The following MYO3B variants were observed in gnomAD, a reference collection of about 807,000 sequenced individuals.
The protein encoded by MYO3B is myosin-IIIb.
Under a neutral mutation model 174.6 loss-of-function variants are expected in MYO3B, and 156 were observed. That is an observed-to-expected ratio of 0.89 (90% CI 0.78 to 1.02). The LOEUF (loss-of-function observed/expected upper bound fraction) is 1.02. Among genes scored for constraint, MYO3B ranks in the 50% least tolerant of loss-of-function variants. MYO3B has a pLI of 0.00. For missense variants in MYO3B, 1,632 were observed against 1,639.4 expected, an observed-to-expected ratio of 1.00 and a Z score of 0.08; for synonymous variants, 563 against 569.1, an observed-to-expected ratio of 0.99 and a Z score of 0.15.
chr2:170,303,520 T>G (rs369798689), intron 7 of MYO3B, among the ~76,000 whole-genome samples: 22 of 152,294 alleles, frequency 1.4e-4, no homozygotes, highest in African/African-American at 4.8e-4. Context: ...GGCAGGTTTG[T>G]TATATAGGTA....
In MYO3B at chr2:170,335,544, G is replaced by A. The variant is rs533861727; in HGVS notation, c.815+94G>A. On this transcript the variant is annotated intron_variant, in intron 8 of 34. Transcript: ENST00000408978. ...CTGTGGAATTTACTTGACACTAGAG[G>A]TTGTTATGCCTGTTAGCACGTTATG... 58 of 941,274 alleles carry A rather than the reference G, an allele frequency of 6.2e-5. 1 individual carries two copies. The highest frequency in any genetic ancestry group is 9.4e-5 in the Non-Finnish European group (56 of 598,914). 58.3% of individuals were successfully genotyped at this position (941,274 alleles called of 1,614,324 possible).
intron 25 of MYO3B, among the ~76,000 whole-genome samples, chr2:170,473,543 T>G (rs1459864470): frequency 1.3e-5 from 2 of 152,210 alleles, no homozygotes; most frequent in Non-Finnish European, 1.5e-5. Flanking sequence ...TTGTTGAGGT[T>G]AAGTTTTCCT....
At chr2:170,533,213 A>G (rs1213665321) in intron 30 of MYO3B, among the ~76,000 whole-genome samples, 1 of 152,036 alleles carries the variant, frequency 6.6e-6, no homozygotes, top group African/African-American at 2.4e-5. Context: ...CACTGCACAC[A>G]ATCTTGTTTA....
intron 3 of MYO3B, among the ~76,000 whole-genome samples, chr2:170,212,255 A>C (rs1292682105): frequency 6.6e-6 from 1 of 151,976 alleles, no homozygotes; most frequent in Non-Finnish European, 1.5e-5. Context: ...AAAAAAAAAA[A>C]AAAAAAGTCT....
chr2:170,187,657 G>C (rs1415398758), intron 1 of MYO3B, among the ~76,000 whole-genome samples: 15 of 151,996 alleles, frequency 9.9e-5, no homozygotes, highest in Non-Finnish European at 2.1e-4. Context: ...GTAGGTTTTG[G>C]TATGTAGTGT....
At chr2:170,228,974 A>AC (rs2092984568) in intron 6 of MYO3B, among the ~76,000 whole-genome samples, 1 of 151,854 alleles carries the variant, frequency 6.6e-6, no homozygotes, top group African/African-American at 2.4e-5. Context: ...AAAAAAAAAA[A>AC]AAAAAAACAA....
At chr2:170,406,993 T>G (rs1412368358) in intron 21 of MYO3B, among the ~76,000 whole-genome samples, 3 of 152,210 alleles carry the variant, frequency 2.0e-5, no homozygotes, top group Non-Finnish European at 2.9e-5. Flanking sequence ...CTACCACTTG[T>G]GAAATGTGTG....
intron 28 of MYO3B, among the ~76,000 whole-genome samples, chr2:170,502,117 T>C (rs758411672): frequency 2.6e-5 from 4 of 152,120 alleles, no homozygotes; most frequent in Non-Finnish European, 1.5e-5. Flanking sequence ...CCTGATATTA[T>C]AGAGGAGGAA....
intron 7 of MYO3B, among the ~76,000 whole-genome samples, chr2:170,290,421 A>G (rs2093588209): frequency 6.6e-6 from 1 of 152,080 alleles, no homozygotes; most frequent in Admixed American, 6.6e-5. Flanking sequence ...CCCTTTTATC[A>G]TTATATAGTT....
chr2:170,495,247 T>A (rs1475286675), intron 25 of MYO3B, among the ~76,000 whole-genome samples: 1 of 152,246 alleles, frequency 6.6e-6, no homozygotes, highest in East Asian at 1.9e-4. Flanking sequence ...GCTTGGTTCC[T>A]TTCAGCTTAG....
intron 25 of MYO3B, among the ~76,000 whole-genome samples, chr2:170,483,090 G>A (rs971342628): frequency 6.6e-5 from 10 of 152,230 alleles, no homozygotes; most frequent in African/African-American, 2.4e-4. Context: ...AATCTGTAGT[G>A]GTGGTTTGAA....
intron 32 of MYO3B, among the ~76,000 whole-genome samples, chr2:170,623,615 T>A (rs778822191): frequency 8.5e-5 from 13 of 152,248 alleles, no homozygotes; most frequent in Non-Finnish European, 1.2e-4. Context: ...TTGTTGCCAT[T>A]GCTTTTGGTG....
intron 14 of MYO3B, among the ~76,000 whole-genome samples, chr2:170,390,624 G>A (rs1273560464): frequency 6.6e-6 from 1 of 152,130 alleles, no homozygotes; most frequent in African/African-American, 2.4e-5. Context: ...GAAGAAAGAC[G>A]ATTTCTTTTC....
At chr2:170,515,130 A>C (rs889593947) in intron 29 of MYO3B, 108 bp downstream of exon 29, 1 of 883,616 alleles carries the variant, frequency 1.1e-6, no homozygotes, top group African/African-American at 1.7e-5. Context: ...TCTGTCCACC[A>C]CTCCTTCTTT....
At chr2:170,227,787 A>G (rs772674543) in intron 6 of MYO3B, among the ~76,000 whole-genome samples, 70 of 152,190 alleles carry the variant, frequency 4.6e-4, no homozygotes, top group Non-Finnish European at 8.2e-4. Context: ...TGTTTTTCAG[A>G]TGTGTCATGA....
chr2:170,532,808 C>T (rs1689441830), intron 30 of MYO3B, among the ~76,000 whole-genome samples: 1 of 125,006 alleles, frequency 8.0e-6, no homozygotes, highest in African/African-American at 3.2e-5. Context: ...AAGAGTGAAA[C>T]TCTGTCTCAA....
At chr2:170,286,460 C>T (rs1457932811) in intron 7 of MYO3B, among the ~76,000 whole-genome samples, 1 of 152,130 alleles carries the variant, frequency 6.6e-6, no homozygotes, top group Non-Finnish European at 1.5e-5. Context: ...CCATTTATAT[C>T]TATTTAGAGG....
At chr2:170,453,715 C>T (rs58475250) in intron 23 of MYO3B, among the ~76,000 whole-genome samples, 7,788 of 152,178 alleles carry the variant, frequency 0.051, 244 homozygotes, top group South Asian at 0.086. Flanking sequence ...AGATGCTGCC[C>T]GATAGTCTGC....
chr2:170,423,825 T>C (rs1160144193), intron 22 of MYO3B, among the ~76,000 whole-genome samples: 1 of 152,018 alleles, frequency 6.6e-6, no homozygotes, highest in Admixed American at 6.5e-5. Flanking sequence ...GTGATCCGCC[T>C]GCCTTGGCCT....
Sources: allele counts gnomAD v4.1 joint callset (sites outside exome capture counted in the v4.1 genomes callset), GRCh38; gene constraint gnomAD v4.1.1; transcripts MANE v1.5; gene names NCBI Gene and HGNC (gene_info 2026-07-23, HGNC 2026-07-21).